SMPDL3B: variants seen among roughly 807,000 people sequenced by gnomAD.
The protein encoded by SMPDL3B is sphingomyelin phosphodiesterase acid like 3B.
SMPDL3B carries 31 observed loss-of-function variants against 37.9 expected under a neutral mutation model. That is an observed-to-expected ratio of 0.82 (90% CI 0.61 to 1.10). SMPDL3B has a LOEUF of 1.10. Ranked by LOEUF, SMPDL3B falls within the 50% of genes least tolerant of loss-of-function variation. The pLI is 0.00. For synonymous variants in SMPDL3B, 235 were observed against 242.6 expected, an observed-to-expected ratio of 0.97 and a Z score of 0.29; for missense variants, 525 against 597.8, an observed-to-expected ratio of 0.88 and a Z score of 1.27.
At position 27,958,302 on chromosome 1, in the gene SMPDL3B, C is replaced by CGTAA. The variant is rs1341124313; in HGVS notation, c.1006-174_1006-173insGTAA. Among the ~76,000 whole-genome samples the CGTAA allele has an allele frequency of 6.6e-6, 1 of 152,136 alleles. No individual in the cohort carries two copies. On this transcript the variant is annotated intron_variant, in intron 7 of 7. Transcript: ENST00000373894. The surrounding 1 kb of genome is among the most constrained non-coding windows in gnomAD (Gnocchi z 5.6). Reference sequence around the variant, plus strand: ...AAACCTAGGTAATAAGCGCAGTTACCTCATTCGATTCAGAGGATGTCTGCC... The same window carrying CGTAA: ...AAACCTAGGTAATAAGCGCAGTTACCGTAATCATTCGATTCAGAGGATGTCTGCC...
intron 7 of SMPDL3B, among the ~76,000 whole-genome samples, chr1:27,957,187 G>A (rs569598901): frequency 1.8e-4 from 27 of 152,282 alleles, no homozygotes; most frequent in African/African-American, 6.5e-4. Context: ...GGGCAGGTGG[G>A]GGAGCAGTGA....
At chr1:27,946,668 G>A (rs1374001520) in intron 2 of SMPDL3B, among the ~76,000 whole-genome samples, 2 of 152,164 alleles carry the variant, frequency 1.3e-5, no homozygotes, top group African/African-American at 4.8e-5. Flanking sequence ...GGGAGCTCTC[G>A]AGGAAGGCTG....
rs1638392456 is a variant in SMPDL3B at position 27,959,001 on chromosome 1, C to G, written c.*163C>G. The G allele has an allele frequency of 1.2e-6, 1 of 811,180 alleles. No homozygotes were observed. The highest frequency in any genetic ancestry group is 2.9e-5 in the Admixed American group (1 of 33,948). The allele number at this position is 811,180 out of a possible 1,614,324, so 50.2% of individuals were successfully genotyped here. ...CAGGAGCTGCAGCCATCCGTGATCG[C>G]GCCACTGCACTCCAGCCTGGGTGAC... is the stretch of plus-strand genomic sequence containing the variant. On this transcript the variant is annotated 3_prime_UTR_variant, in exon 8 of 8. Coordinates refer to ENST00000373894, the MANE Select transcript of SMPDL3B (RefSeq NM_014474.4).
Position 27,935,132 on chromosome 1 carries a change from A to T in SMPDL3B, c.-52A>T, listed in dbSNP as rs1381241121. ...AACTACTTAGGAAGCCTGTGGTGAGAACAACAACAGTGCCTGAGAATCCCA... is the reference window on the plus strand; with the variant it reads ...AACTACTTAGGAAGCCTGTGGTGAGTACAACAACAGTGCCTGAGAATCCCA... On this transcript the variant is annotated 5_prime_UTR_variant, in exon 1 of 8. Coordinates refer to ENST00000373894, the MANE Select transcript of SMPDL3B (RefSeq NM_014474.4). The T allele has an allele frequency of 4.2e-6, 6 of 1,436,592 alleles. No individual in the cohort carries two copies. In the Admixed American group the frequency reaches 1.0e-4, roughly 25 times the overall value. The allele number at this position is 1,436,592 out of a possible 1,614,324, so 89.0% of individuals were successfully genotyped here.
chr1:27,940,718 T>C (rs1034147015), intron 1 of SMPDL3B, among the ~76,000 whole-genome samples: 5 of 152,348 alleles, frequency 3.3e-5, no homozygotes, highest in Non-Finnish European at 4.4e-5. Flanking sequence ...TATAGATGAA[T>C]ACTGTCTTAC....
At chr1:27,939,805 T>A (rs530318724) in intron 1 of SMPDL3B, among the ~76,000 whole-genome samples, 1 of 118,206 alleles carries the variant, frequency 8.5e-6, no homozygotes, top group Non-Finnish European at 1.9e-5. Context: ...TGGGTTTTTG[T>A]TTGTTTGTTT....
Position 27,942,411 on chromosome 1 carries a change from A to G in SMPDL3B, c.62-2821A>G, listed in dbSNP as rs1414526145. The G allele has an allele frequency of 1.3e-5, 6 of 461,194 alleles. No individual in the cohort carries two copies. The Admixed American group carries it at 1.5e-4, about 11-fold the overall frequency. 28.6% of individuals were successfully genotyped at this position (461,194 alleles called of 1,614,324 possible). A position where few individuals can be genotyped will look rare whatever the true frequency, so the allele number is the denominator to read the frequency against. ...AGCTCAGGGACTTGGGATGCCCAGC[A>G]ACTCTGCCCACCAACTAACTGGTAT... On this transcript the variant is annotated intron_variant, in intron 1 of 7. Transcript: ENST00000373894.
chr1:27,945,753 G>A lies in SMPDL3B; in HGVS notation c.275+308G>A, dbSNP rs1166532533. 1.3e-5 allele frequency among the ~76,000 whole-genome samples: 2 copies of A among 152,140 alleles called. No homozygotes were observed. The highest frequency in any genetic ancestry group is 2.9e-5 in the Non-Finnish European group (2 of 68,022). ...GTGTCCAGGTTTTAAGCTATGGGTGGACACTGGAGCCATTTCCCCTGGGGC... is the reference window on the plus strand; with the variant it reads ...GTGTCCAGGTTTTAAGCTATGGGTGAACACTGGAGCCATTTCCCCTGGGGC... On this transcript the variant is annotated intron_variant, in intron 2 of 7. Transcript: ENST00000373894. This position sits in a 1 kb window ranked among gnomAD's most constrained non-coding sequence, Gnocchi z 4.0.
chr1:27,958,934 G>T lies in SMPDL3B; in HGVS notation c.*96G>T, dbSNP rs1025290886. The T allele has an allele frequency of 2.9e-6, 4 of 1,378,928 alleles. No homozygotes were observed. In the African/African-American group the frequency reaches 5.8e-5, roughly 20 times the overall value. The allele number at this position is 1,378,928 out of a possible 1,614,324, so 85.4% of individuals were successfully genotyped here. On this transcript the variant is annotated 3_prime_UTR_variant, in exon 8 of 8. Coordinates refer to ENST00000373894, the MANE Select transcript of SMPDL3B (RefSeq NM_014474.4). This position sits in a 1 kb window ranked among gnomAD's most constrained non-coding sequence, Gnocchi z 5.6. ...TTCCACCATTTCCTCCGCGCCTGAGGAGTGAACTGAAATAGGACAACCGAA... is the reference window on the plus strand; with the variant it reads ...TTCCACCATTTCCTCCGCGCCTGAGTAGTGAACTGAAATAGGACAACCGAA...
At chr1:27,942,812 A>G (rs1185068093) in intron 1 of SMPDL3B, among the ~76,000 whole-genome samples, 1 of 152,228 alleles carries the variant, frequency 6.6e-6, no homozygotes. Flanking sequence ...TACAGGCGTG[A>G]GCCACTGTGC....
In SMPDL3B at chr1:27,949,177, T is replaced by A; in HGVS notation, c.373+15T>A. 6.2e-7 allele frequency: 1 copy of A among 1,613,758 alleles called. No homozygotes were observed. The highest frequency in any genetic ancestry group is 1.1e-5 in the South Asian group (1 of 91,072). ...GGTCTTTCCAGGTAAGACTGTGCCA[T>A]CAGTCCCTCCACAGTGTTCTCGGAA... On this transcript the variant is annotated intron_variant, in intron 3 of 7. Transcript: ENST00000373894.
intron 3 of SMPDL3B, among the ~76,000 whole-genome samples, chr1:27,949,703 C>T (rs1221857571): frequency 6.6e-6 from 1 of 152,104 alleles, no homozygotes; most frequent in African/African-American, 2.4e-5. Context: ...GTCTGCGTGC[C>T]CCATCTGATG....
At position 27,956,012 on chromosome 1, in the gene SMPDL3B, G is replaced by C. The variant is rs747912911; in HGVS notation, c.935G>C (p.Gly312Ala). 2.6e-5 allele frequency: 42 copies of C among 1,613,994 alleles called. No individual in the cohort carries two copies. Among genetic ancestry groups the C allele is most frequent in the Non-Finnish European group, 3.2e-5 (38 of 1,180,042 alleles). ...GVTPWKTTLP[G>A]VVNGANNPAI... ...ACCCCATGGAAAACCACATTACCTG[G>C]AGTGGTCAATGGGGCCAACAATCCA... Residue 312 changes from glycine (G) to alanine (A), a missense_variant, in exon 7 of 8, where the codon GGA becomes GCA. Coordinates refer to ENST00000373894, the MANE Select transcript of SMPDL3B (RefSeq NM_014474.4).
At position 27,956,052 on chromosome 1, in the gene SMPDL3B, C is replaced by T. The variant is rs775856500; in HGVS notation, c.975C>T (p.Phe325=). The change falls in exon 7 of 8, where the codon TTC becomes TTT. Residue 325 remains phenylalanine (F), a synonymous_variant. Transcript: ENST00000373894. ...NGANNPAIRV[F]EYDRATLSLK... ...CCAACAATCCAGCCATCCGGGTGTTCGAATATGACCGAGCCACACTGAGCC... is the reference window on the plus strand; with the variant it reads ...CCAACAATCCAGCCATCCGGGTGTTTGAATATGACCGAGCCACACTGAGCC... 10 of 1,613,910 alleles carry T rather than the reference C, an allele frequency of 6.2e-6. No homozygotes were observed. The highest frequency in any genetic ancestry group is 5.3e-5 in the African/African-American group (4 of 74,874).
intron 2 of SMPDL3B, 119 bp from the exon 3 acceptor site, chr1:27,948,946 C>A: frequency 6.5e-7 from 1 of 1,548,004 alleles, no homozygotes; most frequent in Non-Finnish European, 8.7e-7. Flanking sequence ...CATTCCCCCT[C>A]AAGGGGACAT....
chr1:27,957,207 G>C (rs905975539), intron 7 of SMPDL3B, among the ~76,000 whole-genome samples: 3 of 152,178 alleles, frequency 2.0e-5, no homozygotes, highest in African/African-American at 4.8e-5. Flanking sequence ...AGGCCGTTTG[G>C]AGGGAAGGAC....
chr1:27,944,460 T>C (rs759535630), intron 1 of SMPDL3B, among the ~76,000 whole-genome samples: 1 of 152,076 alleles, frequency 6.6e-6, no homozygotes, highest in Non-Finnish European at 1.5e-5. Context: ...GCTCAGGCGA[T>C]CCTCTCACCT....
chr1:27,955,604 A>G lies in SMPDL3B; in HGVS notation c.691-80A>G, dbSNP rs555920306. The G allele has an allele frequency of 9.8e-6, 14 of 1,421,814 alleles. No homozygotes were observed. In the East Asian group the frequency reaches 2.8e-4, roughly 28 times the overall value. 88.1% of individuals were successfully genotyped at this position (1,421,814 alleles called of 1,614,324 possible). A position where few individuals can be genotyped will look rare whatever the true frequency, so the allele number is the denominator to read the frequency against. On this transcript the variant is annotated intron_variant, in intron 5 of 7. Coordinates refer to ENST00000373894, the MANE Select transcript of SMPDL3B (RefSeq NM_014474.4). ...GGGCCTGTCTACCTGCCTTTGGGGC[A>G]ATTTGCAGGTTTTGAGAAGTAGAAA...
chr1:27,946,113 G>T (rs1182105594), intron 2 of SMPDL3B, among the ~76,000 whole-genome samples: 2 of 152,084 alleles, frequency 1.3e-5, no homozygotes, highest in South Asian at 2.1e-4. Context: ...CAGCACTTTG[G>T]GAGGCCGAGG....
Sources: gnomAD v4.1 joint callset for allele counts (sites outside exome capture counted in the v4.1 genomes callset) on GRCh38, gnomAD v4.1.1 for gene constraint, Gnocchi (gnomAD v3.1) non-coding constraint, MANE v1.5 for transcripts, NCBI Gene and HGNC (gene_info 2026-07-23, HGNC 2026-07-21) for gene names.